Variants in MAP3K2 observed in about 807,000 individuals in gnomAD.
The protein encoded by MAP3K2 is MAP/ERK kinase kinase 2.
MAP3K2 carries 24 observed loss-of-function variants against 80.3 expected under a neutral mutation model. The ratio of observed to expected loss-of-function variants is 0.30; its 90% CI spans 0.22 to 0.42. The LOEUF (loss-of-function observed/expected upper bound fraction) is 0.42, where lower values mean the gene tolerates loss of function less well. Ranked by LOEUF, MAP3K2 falls within the 10% of genes least tolerant of loss-of-function variation. The pLI is 1.00. For missense variants in MAP3K2, 608 were observed against 750.1 expected (o/e 0.81, Z 2.21); for synonymous variants, 244 against 253.7 (o/e 0.96, Z 0.36).
intron 1 of MAP3K2, among the ~76,000 whole-genome samples, 188 bp downstream of exon 1, chr2:127,387,264 G>A (rs1000258390): frequency 6.6e-6 from 1 of 152,118 alleles, no homozygotes; most frequent in Non-Finnish European, 1.5e-5. Context: ...TTTAGGACTG[G>A]ATGCAGGGGG....
rs1686943371 is a variant in MAP3K2 at position 127,364,781 on chromosome 2, T to C, written c.-65-21587A>G. ...ACCTTTCCCCTCATCTTTAAAAATA[T>C]ACCCCTCCTATTTCTCAATCTCTTC... On this transcript the variant is annotated intron_variant, in intron 1 of 16. Transcript: ENST00000682094. The surrounding 1 kb of genome is among the most constrained non-coding windows in gnomAD (Gnocchi z 4.1). 6.6e-6 allele frequency among the ~76,000 whole-genome samples: 1 copy of C among 152,158 alleles called. No homozygotes were observed. Among genetic ancestry groups the C allele is most frequent in the Non-Finnish European group, 1.5e-5 (1 of 68,024 alleles).
At chr2:127,324,787 A>T (rs1686097513) in intron 9 of MAP3K2, among the ~76,000 whole-genome samples, 1 of 152,220 alleles carries the variant, frequency 6.6e-6, no homozygotes, top group Non-Finnish European at 1.5e-5. Context: ...TTTTTTTCAG[A>T]ATTTGCTTTC....
At chr2:127,369,970 T>C (rs1173490611) in intron 1 of MAP3K2, among the ~76,000 whole-genome samples, 1 of 152,218 alleles carries the variant, frequency 6.6e-6, no homozygotes, top group Non-Finnish European at 1.5e-5. Context: ...GAAAAAGATT[T>C]GGCTGAAGGC....
chr2:127,345,810 T>G (rs1686586112), intron 1 of MAP3K2, among the ~76,000 whole-genome samples: 1 of 152,002 alleles, frequency 6.6e-6, no homozygotes, highest in Non-Finnish European at 1.5e-5. Context: ...TAGAAAATAC[T>G]TTGAGATAAA....
chr2:127,304,014 T>C lies in MAP3K2; in HGVS notation c.*3565A>G, dbSNP rs1329679061. On this transcript the variant is annotated 3_prime_UTR_variant, in exon 17 of 17. Transcript: ENST00000682094. ...AGTCTAAAGAAATAGTTTCATCTTT[T>C]TAATGCAGTTTCTTTGGGAATAAGG... is the stretch of plus-strand genomic sequence containing the variant. The C allele has an allele frequency of 6.6e-6, 1 of 152,220 alleles. No individual in the cohort carries two copies. The highest frequency in any genetic ancestry group is 2.4e-5 in the African/African-American group (1 of 41,468). The allele number at this position is 152,220 out of a possible 1,614,324, so 9.4% of individuals were successfully genotyped here.
Position 127,307,338 on chromosome 2 carries a change from T to C in MAP3K2, c.*241A>G. 1 of 271,778 alleles carries C rather than the reference T, an allele frequency of 3.7e-6. No homozygotes were observed. The highest frequency in any genetic ancestry group is 6.8e-6 in the Non-Finnish European group (1 of 146,342). 16.8% of individuals were successfully genotyped at this position (271,778 alleles called of 1,614,324 possible). On this transcript the variant is annotated 3_prime_UTR_variant, in exon 17 of 17. Coordinates refer to ENST00000682094, the MANE Select transcript of MAP3K2 (RefSeq NM_001371910.2). This position sits in a 1 kb window ranked among gnomAD's most constrained non-coding sequence, Gnocchi z 5.4. ...GCTTTATCTCTCTGAACCACATCAG[T>C]ACATTATAAAAATTAAAAAAAAAAA...
At chr2:127,335,532 T>C (rs367867133) in intron 5 of MAP3K2, among the ~76,000 whole-genome samples, 10 of 152,308 alleles carry the variant, frequency 6.6e-5, no homozygotes, top group African/African-American at 2.2e-4. Context: ...AGCTCTGTCA[T>C]CTGTAGCCAA....
rs778700907 is a variant in MAP3K2 at position 127,308,760 on chromosome 2, C to T, written c.1459G>A (p.Ala487Thr). 25 of 1,611,786 alleles carry T rather than the reference C, an allele frequency of 1.6e-5. No homozygotes were observed. Among genetic ancestry groups the T allele is most frequent in the Admixed American group, 6.7e-5 (4 of 59,712 alleles). Reference sequence around the variant, plus strand: ...CCTGTTGAATCTCGCAGGATATTTGCGCCTAAAAATAAGACATTGCCTCAT... The same window carrying T: ...CCTGTTGAATCTCGCAGGATATTTGTGCCTAAAAATAAGACATTGCCTCAT... ...NMIVHRDIKGANILRDSTGNV... is the reference protein window; with the variant it reads ...NMIVHRDIKGTNILRDSTGNV... Residue 487 changes from alanine (A) to threonine (T), a missense_variant and splice_region_variant, in exon 16 of 17, where the codon GCA (alanine) becomes ACA (threonine). Ala to Thr is a moderately conservative substitution (Grantham distance 58). Around this residue, in one of 4 missense-constraint regions of MAP3K2, gnomAD observed 88 missense variants for 132.4 expected, o/e 0.66. Transcript: ENST00000682094.
In MAP3K2 at chr2:127,387,499, G is replaced by A. The variant is rs1342516812; in HGVS notation, c.-113C>T. 9.1e-6 allele frequency: 9 copies of A among 984,808 alleles called. No homozygotes were observed. The highest frequency in any genetic ancestry group is 1.1e-5 in the Non-Finnish European group (9 of 829,802). 61.0% of individuals were successfully genotyped at this position (984,808 alleles called of 1,614,324 possible). A position where few individuals can be genotyped will look rare whatever the true frequency, so the allele number is the denominator to read the frequency against. ...AGAGCCGCAGGCCCAAGGAGGGGCC[G>A]CCCCCGCCGAGCCCGCCCCTCCGCC... On this transcript the variant is annotated 5_prime_UTR_variant, in exon 1 of 17. Coordinates refer to ENST00000682094, the MANE Select transcript of MAP3K2 (RefSeq NM_001371910.2).
At chr2:127,369,321 G>A (rs943515254) in intron 1 of MAP3K2, among the ~76,000 whole-genome samples, 3 of 150,376 alleles carry the variant, frequency 2.0e-5, no homozygotes, top group African/African-American at 7.3e-5. Flanking sequence ...ACAGAGGACT[G>A]ACTGTATTAT....
chr2:127,318,153 G>T lies in MAP3K2; in HGVS notation c.1194+16C>A. 6.4e-7 allele frequency: 1 copy of T among 1,561,392 alleles called. No individual in the cohort carries two copies. The highest frequency in any genetic ancestry group is 1.2e-5 in the South Asian group (1 of 80,350). ...TTCTTATAATGTGACAAAGTAATTT[G>T]TGCAGTGATTTTTACCTTGCTGGTC... On this transcript the variant is annotated intron_variant, in intron 13 of 16. Transcript: ENST00000682094.
At chr2:127,319,844 TA>T (rs750112594) in intron 12 of MAP3K2, among the ~76,000 whole-genome samples, 5,157 of 108,328 alleles carry the variant, frequency 0.048, 112 homozygotes, top group Middle Eastern at 0.1. Flanking sequence ...CATCTCAAAT[TA>T]AAAAAAAAAA....
At position 127,326,748 on chromosome 2, in the gene MAP3K2, C is replaced by T. The variant is rs776209841; in HGVS notation, c.536G>A (p.Arg179Gln). 6 of 1,607,542 alleles carry T rather than the reference C, an allele frequency of 3.7e-6. No homozygotes were observed. Among genetic ancestry groups the T allele is most frequent in the Admixed American group, 1.7e-5 (1 of 59,070 alleles). Residue 179 changes from arginine to glutamine, a missense_variant, in exon 8 of 17, where the codon CGG (arginine) becomes CAG (glutamine). This residue lies in a region of MAP3K2 where 467 missense variants were observed against 521.9 expected (regional missense o/e 0.89). Coordinates refer to ENST00000682094, the MANE Select transcript of MAP3K2 (RefSeq NM_001371910.2). ...YIPDELHQVA[R>Q]NGSFTSINSE... ...GTTGATACTAGTGAATGACCCATTC[C>T]GGGCAACCTGGTGTAATTCATCTGG...
chr2:127,317,564 GTT>G, intron 14 of MAP3K2, 63 bp downstream of exon 14: 3 of 1,359,572 alleles, frequency 2.2e-6, no homozygotes, highest in Non-Finnish European at 3.0e-6. Flanking sequence ...CGTTTTTGTT[GTT>G]TTTCTTTTAT....
intron 1 of MAP3K2, among the ~76,000 whole-genome samples, chr2:127,363,566 C>T (rs1280558971): frequency 6.6e-6 from 1 of 152,174 alleles, no homozygotes; most frequent in Non-Finnish European, 1.5e-5. Context: ...TTGCCTGAAC[C>T]TCAAACTCCA....
intron 1 of MAP3K2, among the ~76,000 whole-genome samples, chr2:127,382,716 G>C (rs1687266995): frequency 6.6e-6 from 1 of 152,200 alleles, no homozygotes; most frequent in Non-Finnish European, 1.5e-5. Context: ...AGTAGAGACA[G>C]GGTTTCACCA....
intron 1 of MAP3K2, among the ~76,000 whole-genome samples, chr2:127,350,572 A>G (rs1686676027): frequency 6.6e-6 from 1 of 152,058 alleles, no homozygotes; most frequent in South Asian, 2.1e-4. Flanking sequence ...TCAACTAATG[A>G]ATGTAATAAA....
At chr2:127,383,729 G>C (rs1050255045) in intron 1 of MAP3K2, among the ~76,000 whole-genome samples, 4 of 152,208 alleles carry the variant, frequency 2.6e-5, no homozygotes, top group Non-Finnish European at 5.9e-5. Flanking sequence ...GGCCAAAGTG[G>C]GAGGACCATC....
Position 127,364,985 on chromosome 2 carries a change from G to A in MAP3K2, c.-65-21791C>T, listed in dbSNP as rs967685493. Among the ~76,000 whole-genome samples, 2 of 151,684 alleles carry A rather than the reference G, an allele frequency of 1.3e-5. No individual in the cohort carries two copies. The highest frequency in any genetic ancestry group is 6.6e-5 in the Admixed American group (1 of 15,226). On this transcript the variant is annotated intron_variant, in intron 1 of 16. Transcript: ENST00000682094. This position sits in a 1 kb window ranked among gnomAD's most constrained non-coding sequence, Gnocchi z 4.1. ...TCTACTAAAACTACAAAAATTAGCC[G>A]GGTGTGGTGGCACATGCCTGTAATC...
Sources: allele counts gnomAD v4.1 joint callset (sites outside exome capture counted in the v4.1 genomes callset), GRCh38; gene constraint gnomAD v4.1.1; regional missense constraint gnomAD v4.1.1; non-coding constraint Gnocchi (gnomAD v3.1); transcripts MANE v1.5; gene names NCBI Gene and HGNC (gene_info 2026-07-23, HGNC 2026-07-21).